The following THADA variants were observed in gnomAD, a reference collection of about 807,000 sequenced individuals.
The protein encoded by THADA is tRNA (32-2'-O)-methyltransferase regulator THADA.
In THADA, 213 loss-of-function variants were observed where a neutral mutation model predicts 219.8. The ratio of observed to expected loss-of-function variants is 0.97; its 90% CI spans 0.87 to 1.09. The LOEUF (loss-of-function observed/expected upper bound fraction) is 1.09, where lower values mean the gene tolerates loss of function less well. Among genes scored for constraint, THADA ranks in the 50% least tolerant of loss-of-function variants. THADA has a pLI of 0.00. For missense variants in THADA, 2,956 were observed against 2,311.3 expected (o/e 1.28, Z -5.72); for synonymous variants, 1,018 against 828.9 (o/e 1.23, Z -3.92).
At chr2:43,274,986 T>C (rs1158915588) in intron 36 of THADA, among the ~76,000 whole-genome samples, 2 of 128,742 alleles carry the variant, frequency 1.6e-5, no homozygotes, top group African/African-American at 6.6e-5. Flanking sequence ...TTCCTTTCTT[T>C]TCTTTTCTTT....
chr2:43,480,635 C>A (rs562193698), intron 26 of THADA, among the ~76,000 whole-genome samples: 2 of 151,836 alleles, frequency 1.3e-5, no homozygotes, highest in South Asian at 4.2e-4. Context: ...GTAGTGAAAC[C>A]CCATTTCTAC....
intron 22 of THADA, among the ~76,000 whole-genome samples, chr2:43,526,941 T>A (rs1191898603): frequency 6.6e-6 from 1 of 152,124 alleles, no homozygotes; most frequent in African/African-American, 2.4e-5. Context: ...ATAAGTCATA[T>A]CTACACTGGA....
chr2:43,508,947 G>A (rs1690041347), intron 22 of THADA, among the ~76,000 whole-genome samples, 167 bp from the exon 23 acceptor site: 3 of 152,018 alleles, frequency 2.0e-5, no homozygotes, highest in Admixed American at 1.3e-4. Context: ...TTTATTATGG[G>A]TCTTAAGATC....
chr2:43,320,357 G>A, intron 31 of THADA, 89 bp downstream of exon 31: 1 of 858,498 alleles, frequency 1.2e-6, no homozygotes, highest in Non-Finnish European at 1.9e-6. Flanking sequence ...GTAGAAGGTG[G>A]AGCAGTGTGT....
chr2:43,430,134 C>G, intron 27 of THADA, 79 bp downstream of exon 27: 2 of 652,762 alleles, frequency 3.1e-6, no homozygotes, highest in East Asian at 3.3e-5. Context: ...TTAAAAACAG[C>G]TGCCTAGAGG....
At chr2:43,418,614 T>G (rs746502849) in intron 28 of THADA, among the ~76,000 whole-genome samples, 3 of 152,094 alleles carry the variant, frequency 2.0e-5, no homozygotes, top group South Asian at 2.1e-4. Flanking sequence ...AGCTGTCCAA[T>G]AGAAAGTTGA....
intron 22 of THADA, among the ~76,000 whole-genome samples, chr2:43,520,477 C>T (rs1386309830): frequency 1.3e-5 from 2 of 152,106 alleles, no homozygotes; most frequent in African/African-American, 2.4e-5. Context: ...CTCTTGATCT[C>T]AGGAGTTGGA....
At chr2:43,417,511 G>A (rs1677147090) in intron 28 of THADA, among the ~76,000 whole-genome samples, 1 of 152,144 alleles carries the variant, frequency 6.6e-6, no homozygotes, top group Admixed American at 6.5e-5. Context: ...AAGCTTTATT[G>A]CAAGTTTTTC....
At chr2:43,582,827 C>T (rs1700602514) in intron 7 of THADA, among the ~76,000 whole-genome samples, 1 of 152,022 alleles carries the variant, frequency 6.6e-6, no homozygotes, top group African/African-American at 2.4e-5. Context: ...CCTCGCCCTC[C>T]CAAAGTGCTG....
At chr2:43,472,009 G>C (rs1573819976) in intron 26 of THADA, among the ~76,000 whole-genome samples, 1 of 152,276 alleles carries the variant, frequency 6.6e-6, no homozygotes, top group East Asian at 1.9e-4. Context: ...TTGCTATTTT[G>C]ATTAAAGAAA....
chr2:43,571,185 G>T (rs966487241), intron 13 of THADA, among the ~76,000 whole-genome samples: 1 of 152,144 alleles, frequency 6.6e-6, no homozygotes, highest in South Asian at 2.1e-4. Context: ...GAGCCTGGGA[G>T]GTTGAGGGTA....
In THADA at chr2:43,578,523, A is replaced by C. The variant is rs763707006; in HGVS notation, c.806T>G (p.Ile269Ser). 4 of 1,609,334 alleles carry C rather than the reference A, an allele frequency of 2.5e-6. No individual in the cohort carries two copies. Among genetic ancestry groups the C allele is most frequent in the East Asian group, 2.2e-5 (1 of 44,840 alleles). ...AGGAGATGCACTTACCAAATGAGGA[A>C]TCTTTTCAGACGGGTGAAACATAGT... ...IKTMFHPSEK[I>S]PHLISSVLLR... Residue 269 changes from isoleucine (I) to serine (S), a missense_variant, in exon 9 of 38, where the codon ATT becomes AGT. Physicochemically the swap from Ile to Ser is moderately radical, Grantham distance 142. Coordinates refer to ENST00000405975, the MANE Select transcript of THADA (RefSeq NM_022065.5).
intron 36 of THADA, among the ~76,000 whole-genome samples, chr2:43,246,291 T>C (rs1669136929): frequency 6.6e-6 from 1 of 152,128 alleles, no homozygotes; most frequent in Non-Finnish European, 1.5e-5. Context: ...GGTCAGGAGT[T>C]TGAGACCAGC....
intron 26 of THADA, among the ~76,000 whole-genome samples, chr2:43,452,695 C>T (rs546627600): frequency 6.6e-6 from 1 of 152,248 alleles, no homozygotes; most frequent in Admixed American, 6.5e-5. Context: ...GCTTCTACTC[C>T]GACACACTGA....
At chr2:43,575,117 A>T in intron 10 of THADA, 90 bp from the exon 11 acceptor site, 1 of 1,047,316 alleles carries the variant, frequency 9.5e-7, no homozygotes, top group Non-Finnish European at 1.3e-6. Context: ...AAAATATTAA[A>T]TACACAGAAT....
Position 43,289,755 on chromosome 2 carries a change from G to A in THADA, c.5010+1941C>T, listed in dbSNP as rs369918832. Reference sequence around the variant, plus strand: ...CAGCCTCCACCTCCTGGGTTCAAGCGATCCTCCTGCCTCAGCTTCCTGAGC... The same window carrying A: ...CAGCCTCCACCTCCTGGGTTCAAGCAATCCTCCTGCCTCAGCTTCCTGAGC... On this transcript the variant is annotated intron_variant, in intron 34 of 37. Coordinates refer to ENST00000405975, the MANE Select transcript of THADA (RefSeq NM_022065.5). Among the ~76,000 whole-genome samples, 11 of 151,106 alleles carry A rather than the reference G, an allele frequency of 7.3e-5. No homozygotes were observed. The East Asian group carries it at 7.8e-4, about 11-fold the overall frequency.
chr2:43,514,216 G>A (rs981919311), intron 22 of THADA, among the ~76,000 whole-genome samples: 3 of 151,592 alleles, frequency 2.0e-5, no homozygotes, highest in Non-Finnish European at 2.9e-5. Context: ...TTGGAAGGAC[G>A]AGGCAGGCAG....
At position 43,428,247 on chromosome 2, in the gene THADA, T is replaced by C. The variant is rs748980409; in HGVS notation, c.3927-16A>G. On this transcript the variant is annotated splice_polypyrimidine_tract_variant and intron_variant, in intron 27 of 37. Transcript: ENST00000405975. ...TCCCATATCACTGAAACAACAATTATTACACATGAAAGATTTCACATTTAG... is the reference window on the plus strand; with the variant it reads ...TCCCATATCACTGAAACAACAATTACTACACATGAAAGATTTCACATTTAG... The C allele has an allele frequency of 2.2e-5, 34 of 1,578,370 alleles. No homozygotes were observed. Among genetic ancestry groups the C allele is most frequent in the East Asian group, 1.4e-4 (6 of 43,636 alleles).
At chr2:43,382,737 T>A (rs2104661222) in intron 29 of THADA, among the ~76,000 whole-genome samples, 1 of 152,230 alleles carries the variant, frequency 6.6e-6, no homozygotes, top group African/African-American at 2.4e-5. Context: ...AAAGAAGAAA[T>A]AAGACAAATT....
Sources: gnomAD v4.1 joint callset for allele counts (sites outside exome capture counted in the v4.1 genomes callset) on GRCh38, gnomAD v4.1.1 for gene constraint, MANE v1.5 for transcripts, NCBI Gene and HGNC (gene_info 2026-07-23, HGNC 2026-07-21) for gene names.